Variants in SLC16A7 observed in about 807,000 individuals in gnomAD.
SLC16A7 encodes solute carrier family 16 member 7.
Under a neutral mutation model 34.9 loss-of-function variants are expected in SLC16A7, and 33 were observed. The ratio of observed to expected loss-of-function variants is 0.94; its 90% CI spans 0.72 to 1.26. The LOEUF is 1.26. Among genes scored for constraint, SLC16A7 ranks in the 50% most tolerant of loss-of-function variants. SLC16A7 has a pLI of 0.00. For missense variants in SLC16A7, 573 were observed against 578.1 expected (o/e 0.99, Z 0.09); for synonymous variants, 201 against 206.6 (o/e 0.97, Z 0.23).
intron 1 of SLC16A7, among the ~76,000 whole-genome samples, chr12:59,603,615 A>G (rs972029856): frequency 2.2e-4 from 33 of 152,144 alleles, no homozygotes; most frequent in African/African-American, 7.5e-4. Flanking sequence ...TTATGTTTAT[A>G]ATGTCTTATT....
rs144597250 is a variant in SLC16A7, at chr12:59,725,630, T to C, written c.217+20612T>C. 7.0e-3 allele frequency among the ~76,000 whole-genome samples: 1,069 copies of C among 152,304 alleles called. 6 individuals are homozygous for C. The highest frequency in any genetic ancestry group is 0.025 in the African/African-American group (1,039 of 41,570). ...GATAGATGAGATGTATTTTGAAAAC[T>C]ATGCTAAAGAAAATGTTGTATAGTG... On this transcript the variant is annotated intron_variant, in intron 3 of 5. Transcript: ENST00000547379.
chr12:59,670,900 C>T (rs1195220893), intron 2 of SLC16A7, among the ~76,000 whole-genome samples: 1 of 152,172 alleles, frequency 6.6e-6, no homozygotes, highest in Non-Finnish European at 1.5e-5. Context: ...GGTGGGCCTG[C>T]CCTCTAGACA....
In SLC16A7 at chr12:59,781,310, G is replaced by GTCACTA. The variant is rs1883230091; in HGVS notation, c.*1631_*1632insTCACTA. 2 of 152,566 alleles carry GTCACTA rather than the reference G, an allele frequency of 1.3e-5. No homozygotes were observed. The highest frequency in any genetic ancestry group is 3.9e-4 in the East Asian group (2 of 5,178). The allele number at this position is 152,566 out of a possible 1,614,324, so 9.5% of individuals were successfully genotyped here. A position where few individuals can be genotyped will look rare whatever the true frequency, so the allele number is the denominator to read the frequency against. ...ATGATTAATTTAAAAAGTATTTAGT[G>GTCACTA]CTTGACAAAGTAGTGTCACTCTTAA... On this transcript the variant is annotated 3_prime_UTR_variant, in exon 6 of 6. Coordinates refer to ENST00000547379, the MANE Select transcript of SLC16A7 (RefSeq NM_001270623.2).
chr12:59,613,088 G>C (rs559905805), intron 1 of SLC16A7, among the ~76,000 whole-genome samples: 1 of 152,298 alleles, frequency 6.6e-6, no homozygotes, highest in South Asian at 2.1e-4. Flanking sequence ...ATTCTGGACT[G>C]GGTAATTTAT....
At chr12:59,632,441 C>A (rs1326191639) in intron 1 of SLC16A7, among the ~76,000 whole-genome samples, 2 of 151,978 alleles carry the variant, frequency 1.3e-5, no homozygotes, top group Admixed American at 1.3e-4. Context: ...CCATCCCTGG[C>A]ATCTACCCAG....
At chr12:59,605,004 G>A (rs1227202469) in intron 1 of SLC16A7, among the ~76,000 whole-genome samples, 5 of 151,912 alleles carry the variant, frequency 3.3e-5, no homozygotes, top group African/African-American at 9.7e-5. Context: ...CCGCCACCAC[G>A]CCCGGCTAAT....
chr12:59,642,357 T>A (rs1205274012), intron 1 of SLC16A7, among the ~76,000 whole-genome samples: 1 of 152,062 alleles, frequency 6.6e-6, no homozygotes, highest in East Asian at 1.9e-4. Context: ...TGGTTAGATA[T>A]CCGTTCTTAG....
chr12:59,762,594 A>G (rs979470339), intron 3 of SLC16A7, among the ~76,000 whole-genome samples: 5 of 152,108 alleles, frequency 3.3e-5, no homozygotes, highest in Non-Finnish European at 7.4e-5. Context: ...TCTACTACAA[A>G]TTTTTGCATA....
At chr12:59,656,604 T>C (rs1868546215) in intron 2 of SLC16A7, among the ~76,000 whole-genome samples, 1 of 152,006 alleles carries the variant, frequency 6.6e-6, no homozygotes, top group South Asian at 2.1e-4. Context: ...GATAACAAAT[T>C]TGTGCTGCTT....
chr12:59,665,558 A>G (rs1869123457), intron 2 of SLC16A7, among the ~76,000 whole-genome samples: 2 of 152,066 alleles, frequency 1.3e-5, no homozygotes, highest in African/African-American at 4.8e-5. Flanking sequence ...GTTATATTTC[A>G]GGGATGCTAT....
At chr12:59,727,214 G>A (rs936913198) in intron 3 of SLC16A7, among the ~76,000 whole-genome samples, 1 of 150,552 alleles carries the variant, frequency 6.6e-6, no homozygotes, top group African/African-American at 2.5e-5. Context: ...TACATATTCA[G>A]ATAGAGTGAG....
rs1395136277 is a variant in SLC16A7, at chr12:59,601,551, A to G, written c.-130+5315A>G. On this transcript the variant is annotated intron_variant, in intron 1 of 5. Coordinates refer to ENST00000547379, the MANE Select transcript of SLC16A7 (RefSeq NM_001270623.2). ...GGATTATTGGCATTTGGGGTGGGAC[A>G]CTTTTTCATTGTGTAGGACTGTCTC... Among the ~76,000 whole-genome samples, 3 of 152,184 alleles carry G rather than the reference A, an allele frequency of 2.0e-5. 1 individual carries two copies. Among genetic ancestry groups the G allele is most frequent in the African/African-American group, 7.2e-5 (3 of 41,442 alleles).
chr12:59,719,948 G>A (rs1693605), intron 3 of SLC16A7: 62,025 of 597,208 alleles, frequency 0.1, 4,076 homozygotes, highest in African/African-American at 0.22. Context: ...TTATAAACAT[G>A]CTAATCTTCT....
chr12:59,645,671 G>A (rs1265216824), intron 1 of SLC16A7, among the ~76,000 whole-genome samples: 2 of 152,132 alleles, frequency 1.3e-5, no homozygotes, highest in African/African-American at 4.8e-5. Flanking sequence ...ACCACAGAGA[G>A]TGGGGTGCTG....
intron 1 of SLC16A7, among the ~76,000 whole-genome samples, chr12:59,619,625 A>G (rs1232867926): frequency 6.6e-6 from 1 of 151,962 alleles, no homozygotes; most frequent in Non-Finnish European, 1.5e-5. Context: ...CCCACAGACC[A>G]GGTGAAGGTG....
intron 2 of SLC16A7, among the ~76,000 whole-genome samples, chr12:59,687,009 T>C (rs1225622566): frequency 6.6e-6 from 1 of 152,046 alleles, no homozygotes; most frequent in Non-Finnish European, 1.5e-5. Context: ...CATTTCAGAA[T>C]GTATACATAT....
At chr12:59,649,689 C>G (rs1358148672) in intron 1 of SLC16A7, among the ~76,000 whole-genome samples, 1 of 152,158 alleles carries the variant, frequency 6.6e-6, no homozygotes, top group Non-Finnish European at 1.5e-5. Context: ...TGGCTCACAC[C>G]TGTAATACCA....
At chr12:59,678,389 C>CA (rs1565644560) in intron 2 of SLC16A7, among the ~76,000 whole-genome samples, 1 of 152,114 alleles carries the variant, frequency 6.6e-6, no homozygotes, top group Admixed American at 6.5e-5. Context: ...AGGAGACCTG[C>CA]AGTAGGTAGC....
intron 1 of SLC16A7, among the ~76,000 whole-genome samples, chr12:59,633,468 G>A (rs1880277136): frequency 6.6e-6 from 1 of 151,936 alleles, no homozygotes; most frequent in African/African-American, 2.4e-5. Context: ...TACAGTTCCA[G>A]GTGTTTCACA....
Sources: gnomAD v4.1 joint callset for allele counts (sites outside exome capture counted in the v4.1 genomes callset) on GRCh38, gnomAD v4.1.1 for gene constraint, MANE v1.5 for transcripts, NCBI Gene and HGNC (gene_info 2026-07-23, HGNC 2026-07-21) for gene names.